The following EPB41L2 variants were observed in gnomAD, a reference collection of about 807,000 sequenced individuals.
EPB41L2 encodes erythrocyte membrane protein band 4.1 like 2.
A neutral mutation model predicts 113.0 loss-of-function variants in EPB41L2; 43 were observed. The ratio of observed to expected loss-of-function variants is 0.38; its 90% CI spans 0.30 to 0.49. EPB41L2 has a LOEUF of 0.49. Ranked by LOEUF, EPB41L2 falls within the 20% of genes least tolerant of loss-of-function variation. The probability of loss-of-function intolerance (pLI) is 0.95; values close to 1 mark genes in which losing one functional copy is unlikely to be tolerated. For synonymous variants in EPB41L2, 442 were observed against 436.7 expected, an observed-to-expected ratio of 1.01 and a Z score of -0.15; for missense variants, 1,147 against 1,223.4, an observed-to-expected ratio of 0.94 and a Z score of 0.93.
chr6:130,843,344 T>C (rs1029920802), intron 19 of EPB41L2, among the ~76,000 whole-genome samples: 3 of 152,214 alleles, frequency 2.0e-5, no homozygotes, highest in African/African-American at 7.2e-5. Context: ...TGGGACTAAA[T>C]GATTTATTAC....
At chr6:131,049,755 C>CACA (rs1796168005) in intron 1 of EPB41L2, among the ~76,000 whole-genome samples, 2 of 151,934 alleles carry the variant, frequency 1.3e-5, no homozygotes, top group Admixed American at 1.3e-4. Context: ...AAAATGTTGA[C>CACA]ACATTTATTG....
chr6:130,907,184 T>C (rs1797989293), intron 5 of EPB41L2, among the ~76,000 whole-genome samples: 2 of 152,190 alleles, frequency 1.3e-5, no homozygotes, highest in Admixed American at 6.5e-5. Context: ...TTCTCTCTGT[T>C]TGGGTCACTT....
chr6:130,983,851 T>G (rs1779924926), intron 1 of EPB41L2, among the ~76,000 whole-genome samples: 1 of 152,156 alleles, frequency 6.6e-6, no homozygotes. Context: ...TTATAAACAC[T>G]GTACACTTAG....
At chr6:130,905,674 C>G (rs1466899816) in intron 5 of EPB41L2, among the ~76,000 whole-genome samples, 1 of 152,144 alleles carries the variant, frequency 6.6e-6, no homozygotes, top group African/African-American at 2.4e-5. Context: ...CCGGCCTCAG[C>G]CTCTCAAAGT....
Position 130,956,279 on chromosome 6 carries a change from C to T in EPB41L2, c.207G>A (p.Ser69=), listed in dbSNP as rs764338017. The change falls in exon 2 of 20, where the codon TCG becomes TCA. Residue 69 remains serine (S), a synonymous_variant. Transcript: ENST00000337057. ...TGAACCGAGAAATACCCCTGCTCTC[C>T]GATGTTTCCTTCTCTCTCTTCTGGC... The part of the protein sequence containing the change: ...LRRQKREKET[S]ESRGISRFIP... 25 of 1,614,030 alleles carry T rather than the reference C, an allele frequency of 1.5e-5. No individual in the cohort carries two copies. The highest frequency in any genetic ancestry group is 3.3e-4 in the Middle Eastern group (2 of 6,084).
chr6:130,931,485 A>G (rs1806847249), intron 3 of EPB41L2, among the ~76,000 whole-genome samples: 1 of 152,140 alleles, frequency 6.6e-6, no homozygotes, highest in Admixed American at 6.6e-5. Flanking sequence ...TAAGTAGTAC[A>G]TTTCTTCTTA....
At chr6:130,991,482 A>G in intron 1 of EPB41L2, among the ~76,000 whole-genome samples, 1 of 152,200 alleles carries the variant, frequency 6.6e-6, no homozygotes, top group Non-Finnish European at 1.5e-5. Context: ...AGGTCTTACT[A>G]CTGGGCATCC....
intron 6 of EPB41L2, among the ~76,000 whole-genome samples, chr6:130,903,021 C>T (rs1291730429): frequency 6.6e-6 from 1 of 152,194 alleles, no homozygotes; most frequent in Non-Finnish European, 1.5e-5. Context: ...TCAGGCTGCA[C>T]CACTGAGAAC....
chr6:130,845,906 G>C (rs2128399849), intron 19 of EPB41L2, among the ~76,000 whole-genome samples: 1 of 152,338 alleles, frequency 6.6e-6, no homozygotes, highest in Non-Finnish European at 1.5e-5. Flanking sequence ...GGGAATGTCT[G>C]AACTGTGAGT....
chr6:130,890,039 A>T (rs1313765256), intron 11 of EPB41L2, among the ~76,000 whole-genome samples: 1 of 152,136 alleles, frequency 6.6e-6, no homozygotes, highest in African/African-American at 2.4e-5. Flanking sequence ...TCAGATTTTG[A>T]GATATGGAAT....
intron 3 of EPB41L2, among the ~76,000 whole-genome samples, chr6:130,951,155 G>A (rs988427637): frequency 1.8e-4 from 27 of 150,714 alleles, no homozygotes; most frequent in Non-Finnish European, 5.9e-5. Flanking sequence ...TACTTGGGAG[G>A]CTGAGGCAGG....
At chr6:130,864,301 G>A (rs1447941281) in intron 17 of EPB41L2, among the ~76,000 whole-genome samples, 1 of 152,182 alleles carries the variant, frequency 6.6e-6, no homozygotes, top group Non-Finnish European at 1.5e-5. Flanking sequence ...TTTGTTTATT[G>A]CATTTAGTGC....
intron 11 of EPB41L2, among the ~76,000 whole-genome samples, chr6:130,886,515 T>C (rs1165584769): frequency 6.6e-6 from 1 of 152,180 alleles, no homozygotes; most frequent in African/African-American, 2.4e-5. Flanking sequence ...CTTGTGGAGA[T>C]TTTCCCAGCC....
chr6:130,909,942 G>GATC (rs1798842865), intron 4 of EPB41L2, among the ~76,000 whole-genome samples: 1 of 152,168 alleles, frequency 6.6e-6, no homozygotes, highest in Non-Finnish European at 1.5e-5. Flanking sequence ...TCGTGAAAAT[G>GATC]ATCATACTGC....
chr6:131,025,453 T>C (rs183282585), intron 1 of EPB41L2, among the ~76,000 whole-genome samples: 12 of 152,340 alleles, frequency 7.9e-5, no homozygotes, highest in Admixed American at 4.6e-4. Context: ...CATATTACAC[T>C]GCCCAAATGT....
intron 1 of EPB41L2, among the ~76,000 whole-genome samples, chr6:130,971,858 A>G (rs1191719744): frequency 1.3e-5 from 2 of 152,218 alleles, no homozygotes; most frequent in African/African-American, 4.8e-5. Flanking sequence ...TATCATCCAT[A>G]TTTCAACATT....
chr6:130,858,173 T>C lies in EPB41L2; in HGVS notation c.2981A>G (p.His994Arg). The change falls in exon 19 of 20, where the codon CAC (histidine) becomes CGC (arginine). Residue 994 changes from histidine (H) to arginine (R), a missense_variant. His to Arg is a conservative substitution (Grantham distance 29, BLOSUM62 0). Transcript: ENST00000337057. ...PDMSVTRVVVHKETELAEEGE... is the reference protein window; with the variant it reads ...PDMSVTRVVVRKETELAEEGE... ...TTCCTCAGCCAACTCTGTTTCTTTG[T>C]GTACCACCACTCTTGTGACCGACAT... 4 of 1,614,104 alleles carry C rather than the reference T, an allele frequency of 2.5e-6. No individual in the cohort carries two copies. Among genetic ancestry groups the C allele is most frequent in the Non-Finnish European group, 3.4e-6 (4 of 1,179,970 alleles).
intron 1 of EPB41L2, among the ~76,000 whole-genome samples, chr6:131,010,766 A>G (rs1403240648): frequency 6.6e-6 from 1 of 152,164 alleles, no homozygotes; most frequent in East Asian, 1.9e-4. Context: ...GTAAATCCAT[A>G]TACCAGCAAA....
At chr6:131,058,047 G>T (rs1797931436) in intron 1 of EPB41L2, among the ~76,000 whole-genome samples, 1 of 152,154 alleles carries the variant, frequency 6.6e-6, no homozygotes, top group South Asian at 2.1e-4. Context: ...ATTTATTCCA[G>T]ATTATTTGGG....
Sources: allele counts gnomAD v4.1 joint callset (sites outside exome capture counted in the v4.1 genomes callset), GRCh38; gene constraint gnomAD v4.1.1; transcripts MANE v1.5; gene names NCBI Gene and HGNC (gene_info 2026-07-23, HGNC 2026-07-21).